The following EDARADD variants were observed in gnomAD, a reference collection of about 807,000 sequenced individuals.
The protein encoded by EDARADD is ectodysplasin-A receptor-associated adapter protein.
Under a neutral mutation model 25.6 loss-of-function variants are expected in EDARADD, and 20 were observed. The observed-to-expected ratio is 0.78, with a 90% CI of 0.55 to 1.14. The LOEUF (loss-of-function observed/expected upper bound fraction) is 1.14, where lower values mean the gene tolerates loss of function less well. Among genes scored for constraint, EDARADD ranks in the 50% most tolerant of loss-of-function variants. The pLI is 0.00. For missense variants in EDARADD, 225 were observed against 270.1 expected (o/e 0.83, Z 1.17); for synonymous variants, 86 against 94.4 (o/e 0.91, Z 0.52).
intron 5 of EDARADD, among the ~76,000 whole-genome samples, chr1:236,480,133 A>ATATATATATATATC (rs1553271650): frequency 1.4e-5 from 2 of 142,090 alleles, no homozygotes; most frequent in African/African-American, 5.3e-5. Context: ...ATATATATAT[A>ATATATATATATATC]TATCACATTT....
At chr1:236,379,870 G>A (rs1418059960) in intron 3 of EDARADD, among the ~76,000 whole-genome samples, 1 of 152,188 alleles carries the variant, frequency 6.6e-6, no homozygotes, top group Non-Finnish European at 1.5e-5. Context: ...GTTAACCTAT[G>A]ATAAATTATA....
rs546595974 is a variant in EDARADD, at chr1:236,371,847, C to T, written c.-6+21008C>T. Among the ~76,000 whole-genome samples the T allele has an allele frequency of 1.1e-4, 16 of 152,116 alleles. 1 individual carries two copies. Among genetic ancestry groups the T allele is most frequent in the African/African-American group, 3.1e-4 (13 of 41,508 alleles). ...TTGGCCTCCCAAAGTGCTGGGATTA[C>T]AGGCATGAGCCACCGGGCCCAGTCG... On this transcript the variant is annotated intron_variant, in intron 3 of 7. Coordinates refer to the EDARADD transcript ENST00000439430.
intron 4 of EDARADD, among the ~76,000 whole-genome samples, chr1:236,448,906 T>C (rs1277135401): frequency 6.6e-6 from 1 of 152,162 alleles, no homozygotes; most frequent in South Asian, 2.1e-4. Flanking sequence ...GACATAACCA[T>C]GTGTGTCTAG....
chr1:236,478,317 A>G (rs1162596800), intron 5 of EDARADD, among the ~76,000 whole-genome samples: 1 of 151,608 alleles, frequency 6.6e-6, no homozygotes, highest in Non-Finnish European at 1.5e-5. Flanking sequence ...AGAGTTGGGG[A>G]AAACCCTAGC....
intron 3 of EDARADD, among the ~76,000 whole-genome samples, chr1:236,425,215 G>A (rs1357959589): frequency 1.3e-5 from 2 of 152,206 alleles, no homozygotes; most frequent in East Asian, 1.9e-4. Context: ...GGGTGCGCTC[G>A]CCAGGGGCTC....
intron 3 of EDARADD, among the ~76,000 whole-genome samples, chr1:236,356,604 G>A (rs1174774137): frequency 6.6e-6 from 1 of 151,948 alleles, no homozygotes; most frequent in Non-Finnish European, 1.5e-5. Context: ...AACAATGGTG[G>A]GTAAAATGGT....
rs5781880 is a variant in EDARADD at position 236,432,394 on chromosome 1, GA to G, written c.219+4957del. Among the ~76,000 whole-genome samples, 1,017 of 138,136 alleles carry G rather than the reference GA, an allele frequency of 7.4e-3. 20 individuals carry two copies. The highest frequency in any genetic ancestry group is 0.027 in the African/African-American group (963 of 36,128). The allele number at this position is 138,136 out of a possible 152,430, so 90.6% of individuals were successfully genotyped here. On this transcript the variant is annotated intron_variant, in intron 4 of 5. Coordinates refer to ENST00000334232, the MANE Select transcript of EDARADD (RefSeq NM_145861.4). Reference sequence around the variant, plus strand: ...ATAGAGCCAGACCCTGCCACCAAAAGAAAAAAAAAAAAATTGGGTTCCAGTT... The same window carrying G: ...ATAGAGCCAGACCCTGCCACCAAAAGAAAAAAAAAAAATTGGGTTCCAGTT...
chr1:236,429,943 C>G (rs897559728), intron 4 of EDARADD, among the ~76,000 whole-genome samples: 1 of 152,188 alleles, frequency 6.6e-6, no homozygotes, highest in Non-Finnish European at 1.5e-5. Context: ...TCTGCTCCTT[C>G]TATATATAAC....
At chr1:236,430,944 C>T (rs190069485) in intron 4 of EDARADD, among the ~76,000 whole-genome samples, 2 of 152,174 alleles carry the variant, frequency 1.3e-5, no homozygotes, top group East Asian at 3.9e-4. Context: ...GGTGAAACCC[C>T]GTCTCTACTA....
chr1:236,464,273 G>GTTT, intron 4 of EDARADD, among the ~76,000 whole-genome samples: 1 of 143,910 alleles, frequency 6.9e-6, no homozygotes. Context: ...TTTTGGAGAT[G>GTTT]GAGTCTCGCT....
At chr1:236,432,533 G>A (rs1274955323) in intron 4 of EDARADD, among the ~76,000 whole-genome samples, 1 of 152,142 alleles carries the variant, frequency 6.6e-6, no homozygotes, top group African/African-American at 2.4e-5. Context: ...TAATGACATT[G>A]TCTTCTATGT....
intron 1 of EDARADD, among the ~76,000 whole-genome samples, chr1:236,399,311 A>C (rs1667574557): frequency 6.6e-6 from 1 of 152,076 alleles, no homozygotes; most frequent in African/African-American, 2.4e-5. Context: ...CCTCCCAAGT[A>C]GCTCGGATTA....
chr1:236,457,849 C>G (rs1658919188), intron 4 of EDARADD, among the ~76,000 whole-genome samples: 1 of 151,176 alleles, frequency 6.6e-6, no homozygotes, highest in Admixed American at 6.6e-5. Flanking sequence ...AAAAATCAGG[C>G]CAAAGGGCAA....
At position 236,482,526 on chromosome 1, in the gene EDARADD, G is replaced by A. The variant is rs377531010; in HGVS notation, c.525G>A (p.Thr175=). The A allele has an allele frequency of 1.8e-5, 29 of 1,612,964 alleles. No homozygotes were observed. Among genetic ancestry groups the A allele is most frequent in the African/African-American group, 4.0e-5 (3 of 74,892 alleles). Residue 175 remains threonine (T), a synonymous_variant, in exon 6 of 6, where the codon ACG becomes ACA. Coordinates refer to ENST00000334232, the MANE Select transcript of EDARADD (RefSeq NM_145861.4). ...LEFLLRNSQR[T]VGQLMELCRL... Reference sequence around the variant, plus strand: ...TCTTGCTCCGGAACAGTCAGAGGACGGTGGGCCAGCTGATGGAGCTCTGCA... The same window carrying A: ...TCTTGCTCCGGAACAGTCAGAGGACAGTGGGCCAGCTGATGGAGCTCTGCA...
chr1:236,480,378 GT>G (rs1043307788), intron 5 of EDARADD, among the ~76,000 whole-genome samples: 68 of 152,030 alleles, frequency 4.5e-4, no homozygotes, highest in African/African-American at 1.5e-3. Flanking sequence ...TGATAACAAT[GT>G]TTATGTAAAT....
At chr1:236,456,027 A>T (rs368311267) in intron 4 of EDARADD, among the ~76,000 whole-genome samples, 1 of 152,048 alleles carries the variant, frequency 6.6e-6, no homozygotes, top group East Asian at 1.9e-4. Flanking sequence ...CTGACCTTGT[A>T]ATCCGCCCGC....
chr1:236,402,738 A>G (rs1490860718), intron 1 of EDARADD, among the ~76,000 whole-genome samples: 1 of 151,912 alleles, frequency 6.6e-6, no homozygotes, highest in East Asian at 2.0e-4. Flanking sequence ...ACCTGATTAT[A>G]CTGGAAAACA....
In EDARADD at chr1:236,362,987, G is replaced by GGAA. The variant is rs1456089586; in HGVS notation, c.-6+12148_-6+12149insGAA. 5.8e-4 allele frequency among the ~76,000 whole-genome samples: 17 copies of GGAA among 29,564 alleles called. 1 individual carries two copies. The highest frequency in any genetic ancestry group is 2.5e-3 in the African/African-American group (16 of 6,348). The allele number at this position is 29,564 out of a possible 152,430, so 19.4% of individuals were successfully genotyped here. A position where few individuals can be genotyped will look rare whatever the true frequency, so the allele number is the denominator to read the frequency against. On this transcript the variant is annotated intron_variant, in intron 3 of 7. Coordinates refer to the EDARADD transcript ENST00000439430. Reference sequence around the variant, plus strand: ...TCAAGACTCTGTCTTCTTTTTTTAAGAAAAAAAAAAAAAAAAAAAATATAT... The same window carrying GGAA: ...TCAAGACTCTGTCTTCTTTTTTTAAGGAAAAAAAAAAAAAAAAAAAAAATATAT...
At chr1:236,353,020 A>G (rs1254483911) in intron 3 of EDARADD, among the ~76,000 whole-genome samples, 1 of 150,460 alleles carries the variant, frequency 6.6e-6, no homozygotes, top group South Asian at 2.1e-4. Flanking sequence ...TAAAAAAAAA[A>G]CAACAACAAC....
Sources: gnomAD v4.1 joint callset for allele counts (sites outside exome capture counted in the v4.1 genomes callset) on GRCh38, gnomAD v4.1.1 for gene constraint, MANE v1.5 for transcripts, NCBI Gene and HGNC (gene_info 2026-07-23, HGNC 2026-07-21) for gene names.